Variants in TNIP3 observed in about 807,000 individuals in gnomAD.
TNIP3 encodes the protein TNFAIP3-interacting protein 3.
TNIP3 carries 34 observed loss-of-function variants against 54.1 expected under a neutral mutation model. The observed-to-expected ratio is 0.63, with a 90% confidence interval of 0.48 to 0.84. TNIP3 has a LOEUF of 0.84. TNIP3 is among the 40% of genes least tolerant of loss of function. The pLI is 0.00. For synonymous variants in TNIP3, 134 were observed against 136.8 expected, an observed-to-expected ratio of 0.98 and a Z score of 0.14; for missense variants, 366 against 387.6, an observed-to-expected ratio of 0.94 and a Z score of 0.47.
chr4:121,160,895 A>T (rs974036152), intron 2 of TNIP3, among the ~76,000 whole-genome samples: 2 of 152,198 alleles, frequency 1.3e-5, no homozygotes, highest in Non-Finnish European at 2.9e-5. Flanking sequence ...TTAGGATTAT[A>T]TTACCAGACT....
chr4:121,187,560 C>T (rs894299152), intron 2 of TNIP3, among the ~76,000 whole-genome samples: 3 of 152,166 alleles, frequency 2.0e-5, no homozygotes, highest in African/African-American at 7.2e-5. Flanking sequence ...CCATGGAGGG[C>T]TATGCTATTT....
chr4:121,198,875 GCT>G (rs1725735488), intron 2 of TNIP3, among the ~76,000 whole-genome samples: 1 of 152,144 alleles, frequency 6.6e-6, no homozygotes, highest in Non-Finnish European at 1.5e-5. Context: ...TATACATATA[GCT>G]CTGAGGTATT....
intron 6 of TNIP3, 117 bp from the exon 7 acceptor site, chr4:121,147,291 T>C: frequency 7.9e-7 from 1 of 1,261,590 alleles, no homozygotes; most frequent in Non-Finnish European, 1.1e-6. Flanking sequence ...TCCCAACTAG[T>C]GTTCAGTGTC....
At chr4:121,136,313 A>G (rs943084641) in intron 10 of TNIP3, among the ~76,000 whole-genome samples, 19 of 152,150 alleles carry the variant, frequency 1.2e-4, no homozygotes, top group African/African-American at 3.6e-4. Context: ...TTTTGTATCT[A>G]TACTTTCAGA....
At chr4:121,215,477 T>C (rs952710684) in intron 2 of TNIP3, among the ~76,000 whole-genome samples, 23 of 152,210 alleles carry the variant, frequency 1.5e-4, no homozygotes, top group Non-Finnish European at 2.6e-4. Flanking sequence ...TCCTTCTTTT[T>C]ACTACACACC....
At chr4:121,154,269 G>A (rs1729943018) in intron 5 of TNIP3, 3 of 369,990 alleles carry the variant, frequency 8.1e-6, no homozygotes, top group Non-Finnish European at 1.5e-5. Context: ...TGCTTTATGT[G>A]GTTCTTCAAA....
chr4:121,132,754 G>GT lies in TNIP3; in HGVS notation c.947-93_947-92insA. On this transcript the variant is annotated intron_variant, in intron 10 of 10. Transcript: ENST00000057513. ...AAGGCTGACATAAAGTTCCAGGATG[G>GT]CAAAAAAAAAAAAAAGTTATGTTAT... The GT allele has an allele frequency of 3.0e-6, 3 of 995,956 alleles. No homozygotes were observed. The African/African-American group carries it at 6.0e-5, about 20-fold the overall frequency. 61.7% of individuals were successfully genotyped at this position (995,956 alleles called of 1,614,324 possible).
At chr4:121,218,154 A>G (rs1164605620), upstream of TNIP3, among the ~76,000 whole-genome samples, 3 of 152,196 alleles carry the variant, frequency 2.0e-5, no homozygotes, top group Non-Finnish European at 2.9e-5. Context: ...TAACCTACAA[A>G]ATTTTTACAT....
At chr4:121,195,560 G>C (rs17051318) in intron 2 of TNIP3, among the ~76,000 whole-genome samples, 6,581 of 152,232 alleles carry the variant, frequency 0.043, 472 homozygotes, top group African/African-American at 0.15. Flanking sequence ...ATTCAGATGG[G>C]AATTAACAAG....
rs183029182 is a variant in TNIP3, at chr4:121,195,785, C to T, written c.69-12989G>A. On this transcript the variant is annotated intron_variant, in intron 2 of 12. Coordinates refer to the TNIP3 transcript ENST00000507879. ...GCAGCAATGGCAAGCCTGACTATAG[C>T]TGGCATTTCAGAAATAAACTGACCA... Among the ~76,000 whole-genome samples the T allele has an allele frequency of 1.4e-4, 22 of 152,298 alleles. No homozygotes were observed. The East Asian group carries it at 4.2e-3, about 29-fold the overall frequency.
chr4:121,157,066 C>T (rs1409873044), intron 4 of TNIP3, 28 bp downstream of exon 4: 5 of 1,612,762 alleles, frequency 3.1e-6, no homozygotes, highest in Middle Eastern at 1.7e-4. Context: ...TTGGATCCTC[C>T]GGGCTCGAGG....
chr4:121,137,440 C>T (rs1186121300), intron 10 of TNIP3: 1 of 152,328 alleles, frequency 6.6e-6, no homozygotes, highest in African/African-American at 2.4e-5. Flanking sequence ...AAAAGAGAGT[C>T]CTATAGTGTT....
At chr4:121,216,353 G>C (rs1307929443) in intron 2 of TNIP3, 1 of 1,359,124 alleles carries the variant, frequency 7.4e-7, no homozygotes, top group Non-Finnish European at 1.0e-6. Flanking sequence ...CCACAAAGCA[G>C]AAGTGCTCTA....
chr4:121,154,913 G>A (rs995646039), intron 4 of TNIP3, among the ~76,000 whole-genome samples: 3 of 150,786 alleles, frequency 2.0e-5, no homozygotes, highest in African/African-American at 7.3e-5. Flanking sequence ...ATTTACTGAA[G>A]TATCTTAGAA....
upstream of TNIP3, among the ~76,000 whole-genome samples, chr4:121,221,366 C>T (rs1398229414): frequency 6.6e-6 from 1 of 152,044 alleles, no homozygotes; most frequent in East Asian, 1.9e-4. Flanking sequence ...ATTCACTTAG[C>T]CTAGAAACAG....
chr4:121,158,603 C>G (rs532265018), intron 3 of TNIP3, 84 bp downstream of exon 3: 33 of 1,114,558 alleles, frequency 3.0e-5, no homozygotes, highest in Non-Finnish European at 4.3e-5. Context: ...CTCTTTGTAG[C>G]TGAAATGAAT....
intron 2 of TNIP3, among the ~76,000 whole-genome samples, chr4:121,213,465 G>T (rs539590511): frequency 1.1e-4 from 16 of 151,936 alleles, no homozygotes; most frequent in African/African-American, 3.9e-4. Context: ...GGTGGCTCAC[G>T]CCTGTAATCC....
In TNIP3 at chr4:121,138,677, T is replaced by C. The variant is rs567234794; in HGVS notation, c.893A>G (p.Tyr298Cys). The part of the protein sequence containing the change: ...VQKQREHPPD[Y>C]QWYALDQLPP... ...AAGCTGGTCAAGAGCATACCACTGA[T>C]AGTCTGGCTGTGTGGAACAATACAA... Residue 298 changes from tyrosine to cysteine, a missense_variant, in exon 10 of 11, where the codon TAT (tyrosine) becomes TGT (cysteine). Coordinates refer to ENST00000057513, the MANE Select transcript of TNIP3 (RefSeq NM_024873.6). The C allele has an allele frequency of 2.1e-5, 34 of 1,613,790 alleles. No individual in the cohort carries two copies. Among genetic ancestry groups the C allele is most frequent in the South Asian group, 1.2e-4 (11 of 91,078 alleles).
upstream of TNIP3, among the ~76,000 whole-genome samples, chr4:121,168,263 G>C (rs190944231): frequency 3.2e-4 from 48 of 152,040 alleles, no homozygotes; most frequent in Admixed American, 1.8e-3. Flanking sequence ...CTGGAGTGCA[G>C]TGGCACAATC....
Sources: gnomAD v4.1 joint callset for allele counts (sites outside exome capture counted in the v4.1 genomes callset) on GRCh38, gnomAD v4.1.1 for gene constraint, MANE v1.5 for transcripts, NCBI Gene and HGNC (gene_info 2026-07-23, HGNC 2026-07-21) for gene names.